Variants in INPP5A observed in about 807,000 individuals in gnomAD.
INPP5A encodes the protein inositol polyphosphate-5-phosphatase A, also known as 43 kDa inositol polyphosphate 5-phophatase.
Under a neutral mutation model 65.2 loss-of-function variants are expected in INPP5A, and 14 were observed. The observed-to-expected ratio is 0.21, with a 90% confidence interval of 0.14 to 0.34. INPP5A has a LOEUF of 0.34. Ranked by LOEUF, INPP5A falls within the 10% of genes least tolerant of loss-of-function variation. The pLI is 1.00. For synonymous variants in INPP5A, 207 were observed against 208.3 expected (o/e 0.99, Z 0.05); for missense variants, 431 against 545.6 (o/e 0.79, Z 2.09).
At chr10:132,722,350 G>A (rs1198129845) in intron 8 of INPP5A, among the ~76,000 whole-genome samples, 1 of 152,166 alleles carries the variant, frequency 6.6e-6, no homozygotes, top group East Asian at 1.9e-4. Context: ...TTGGATGAAT[G>A]TCTCACGGCC....
At chr10:132,610,865 T>C (rs544920098) in intron 2 of INPP5A, among the ~76,000 whole-genome samples, 1 of 152,346 alleles carries the variant, frequency 6.6e-6, no homozygotes, top group African/African-American at 2.4e-5. Context: ...TGTAGGCAGA[T>C]CGCTTGGAGA....
intron 5 of INPP5A, among the ~76,000 whole-genome samples, chr10:132,695,585 C>T (rs1051718845): frequency 1.3e-5 from 2 of 152,088 alleles, no homozygotes; most frequent in African/African-American, 4.8e-5. Context: ...ATGATTATGT[C>T]AAGAATCTCA....
At chr10:132,717,004 C>G (rs950953311) in intron 8 of INPP5A, among the ~76,000 whole-genome samples, 3 of 152,216 alleles carry the variant, frequency 2.0e-5, no homozygotes, top group Non-Finnish European at 4.4e-5. Context: ...CCAGGATGCC[C>G]CCAGCCCCAA....
At chr10:132,600,365 C>T (rs180698052) in intron 1 of INPP5A, among the ~76,000 whole-genome samples, 1 of 152,342 alleles carries the variant, frequency 6.6e-6, no homozygotes, top group African/African-American at 2.4e-5. Flanking sequence ...TTTGCTAAAA[C>T]ATAACAAGGG....
At position 132,564,332 on chromosome 10, in the gene INPP5A, C is replaced by T. The variant is rs73397322; in HGVS notation, c.75+26161C>T. ...GGAGGAGTTGGACTTCTCCCTCCAC[C>T]CCGATTCAGGGACTGCGCTTCTTGA... is the stretch of plus-strand genomic sequence containing the variant. On this transcript the variant is annotated intron_variant, in intron 1 of 15. Coordinates refer to ENST00000368594, the MANE Select transcript of INPP5A (RefSeq NM_005539.5). Among the ~76,000 whole-genome samples the T allele has an allele frequency of 2.9e-3, 444 of 152,216 alleles. 1 individual carries two copies. The highest frequency in any genetic ancestry group is 0.01 in the African/African-American group (424 of 41,534).
intron 9 of INPP5A, among the ~76,000 whole-genome samples, chr10:132,740,720 C>A (rs1846257483): frequency 6.6e-6 from 1 of 152,130 alleles, no homozygotes; most frequent in South Asian, 2.1e-4. Context: ...AGACATGTTT[C>A]TGGTTAAAAT....
intron 9 of INPP5A, among the ~76,000 whole-genome samples, chr10:132,746,109 T>C (rs1232121633): frequency 6.6e-6 from 1 of 152,200 alleles, no homozygotes; most frequent in African/African-American, 2.4e-5. Flanking sequence ...CCCGAGGCTG[T>C]GTGTCCACTT....
intron 9 of INPP5A, among the ~76,000 whole-genome samples, chr10:132,749,208 G>C (rs545669221): frequency 1.8e-4 from 28 of 152,374 alleles, no homozygotes; most frequent in Admixed American, 1.5e-3. Flanking sequence ...CAGTGCTGCT[G>C]TGCCTTCCGA....
At position 132,627,999 on chromosome 10, in the gene INPP5A, A is replaced by G. The variant is rs566562178; in HGVS notation, c.118-17869A>G. The stretch of plus-strand genomic sequence containing the variant: ...ATGTCTTCACTGGTTGCCATTGCCC[A>G]GGAGGGTGTTTACAGCACAGCGCTC... On this transcript the variant is annotated intron_variant, in intron 2 of 15. Coordinates refer to ENST00000368594, the MANE Select transcript of INPP5A (RefSeq NM_005539.5). The surrounding 1 kb of genome is among the most constrained non-coding windows in gnomAD (Gnocchi z 6.6). 5.4e-4 allele frequency among the ~76,000 whole-genome samples: 82 copies of G among 152,296 alleles called. 1 individual carries two copies. Among genetic ancestry groups the G allele is most frequent in the African/African-American group, 1.9e-3 (77 of 41,552 alleles).
At chr10:132,740,618 T>C (rs760013408) in intron 9 of INPP5A, among the ~76,000 whole-genome samples, 18 of 152,220 alleles carry the variant, frequency 1.2e-4, no homozygotes, top group Non-Finnish European at 2.1e-4. Flanking sequence ...TTGTGAACCA[T>C]ATTTTAGAAA....
chr10:132,781,835 G>A, intron 14 of INPP5A, 26 bp from the exon 15 acceptor site: 1 of 1,605,382 alleles, frequency 6.2e-7, no homozygotes, highest in Admixed American at 1.7e-5. Flanking sequence ...GCGCCGTGCT[G>A]ACACCGTCCT....
chr10:132,776,938 C>G (rs558646964), intron 12 of INPP5A, among the ~76,000 whole-genome samples: 14 of 152,136 alleles, frequency 9.2e-5, no homozygotes, highest in Admixed American at 2.6e-4. Flanking sequence ...ACAGCAAGGC[C>G]GCGGAGGAGC....
At chr10:132,569,788 G>C (rs998484523) in intron 1 of INPP5A, among the ~76,000 whole-genome samples, 1 of 150,368 alleles carries the variant, frequency 6.7e-6, no homozygotes, top group East Asian at 2.0e-4. Context: ...ACAGGTGTGA[G>C]CCACCGCACT....
At chr10:132,710,547 G>A in intron 8 of INPP5A, 91 bp downstream of exon 8, 1 of 1,524,090 alleles carries the variant, frequency 6.6e-7, no homozygotes, top group Non-Finnish European at 8.9e-7. Context: ...GGGCGGACAA[G>A]TAGGTATGCT....
chr10:132,572,182 C>T (rs372570030), intron 1 of INPP5A, among the ~76,000 whole-genome samples: 16 of 152,344 alleles, frequency 1.1e-4, no homozygotes, highest in African/African-American at 3.4e-4. Context: ...CCAGGTGTGC[C>T]GAGAGGCTGG....
chr10:132,554,397 C>A (rs1390403715), intron 1 of INPP5A, among the ~76,000 whole-genome samples: 1 of 152,080 alleles, frequency 6.6e-6, no homozygotes, highest in Non-Finnish European at 1.5e-5. Flanking sequence ...GTCTCCTGGG[C>A]AAGTGGCGGG....
intron 8 of INPP5A, among the ~76,000 whole-genome samples, chr10:132,720,410 T>A (rs1244569536): frequency 7.0e-6 from 1 of 143,498 alleles, no homozygotes; most frequent in African/African-American, 2.9e-5. Context: ...TCTTGCGGGT[T>A]CTGTGGTACC....
intron 2 of INPP5A, among the ~76,000 whole-genome samples, chr10:132,622,895 C>T (rs11146441): frequency 0.7 from 43,597 of 62,584 alleles, 15,689 homozygotes; most frequent in African/African-American, 0.75. Flanking sequence ...AAATATACCG[C>T]GTTCGTGGAT....
rs956734932 is a variant in INPP5A at position 132,762,760 on chromosome 10, G to A, written c.904-3013G>A. ...CGGTAGAACACTTGGGGAGGCCGAG[G>A]CAGGAGGATTGCTTGAGGCCAGTAG... On this transcript the variant is annotated intron_variant, in intron 11 of 15. Transcript: ENST00000368594. The surrounding 1 kb of genome is among the most constrained non-coding windows in gnomAD (Gnocchi z 4.6). Among the ~76,000 whole-genome samples, 2 of 152,194 alleles carry A rather than the reference G, an allele frequency of 1.3e-5. No individual in the cohort carries two copies. The highest frequency in any genetic ancestry group is 2.9e-5 in the Non-Finnish European group (2 of 68,028).
Sources: gnomAD v4.1 joint callset for allele counts (sites outside exome capture counted in the v4.1 genomes callset) on GRCh38, gnomAD v4.1.1 for gene constraint, Gnocchi (gnomAD v3.1) non-coding constraint, MANE v1.5 for transcripts, NCBI Gene and HGNC (gene_info 2026-07-23, HGNC 2026-07-21) for gene names.